The following MSRA variants were observed in gnomAD, a reference collection of about 807,000 sequenced individuals.
MSRA encodes methionine sulfoxide reductase A.
MSRA carries 54 observed loss-of-function variants against 31.3 expected under a neutral mutation model. The observed-to-expected ratio is 1.73, with a 90% CI of 1.39 to 2.17. MSRA has a LOEUF of 2.17. Among genes scored for constraint, MSRA ranks in the 30% most tolerant of loss-of-function variants. The probability of loss-of-function intolerance (pLI) is 0.00; values close to 1 mark genes in which losing one functional copy is unlikely to be tolerated. For synonymous variants in MSRA, 169 were observed against 116.5 expected, an observed-to-expected ratio of 1.45 and a Z score of -2.90; for missense variants, 507 against 300.9, an observed-to-expected ratio of 1.69 and a Z score of -5.07.
chr8:10,269,696 C>T (rs1279877322), intron 3 of MSRA, among the ~76,000 whole-genome samples: 3 of 152,078 alleles, frequency 2.0e-5, no homozygotes, highest in Non-Finnish European at 4.4e-5. Flanking sequence ...TCTCTCCCAG[C>T]CTGGAGTGCA....
At chr8:10,388,819 G>C (rs1162921664) in intron 5 of MSRA, among the ~76,000 whole-genome samples, 1 of 151,784 alleles carries the variant, frequency 6.6e-6, no homozygotes, top group Non-Finnish European at 1.5e-5. Flanking sequence ...GGCATCGCTG[G>C]TTTGACCTAC....
intron 1 of MSRA, among the ~76,000 whole-genome samples, chr8:10,098,062 G>A (rs1017431862): frequency 1.2e-4 from 18 of 151,954 alleles, no homozygotes; most frequent in Admixed American, 7.9e-4. Flanking sequence ...AAGAAGTTGC[G>A]TTGATTACAT....
chr8:10,063,397 C>G (rs1048302364), intron 1 of MSRA, among the ~76,000 whole-genome samples: 1 of 152,258 alleles, frequency 6.6e-6, no homozygotes. Context: ...TCCAATGACA[C>G]TCTTCAATGC....
chr8:10,190,421 C>T (rs1202548784), intron 1 of MSRA, among the ~76,000 whole-genome samples: 2 of 152,204 alleles, frequency 1.3e-5, no homozygotes, highest in African/African-American at 2.4e-5. Context: ...CCTGGACACC[C>T]CCAGCACGTC....
intron 3 of MSRA, among the ~76,000 whole-genome samples, chr8:10,274,928 G>T (rs966949998): frequency 6.6e-6 from 1 of 152,070 alleles, no homozygotes; most frequent in Non-Finnish European, 1.5e-5. Flanking sequence ...CTTTTGAGTT[G>T]CTTTAAAACT....
Position 10,388,587 on chromosome 8 carries a change from T to G in MSRA, c.544-39561T>G, listed in dbSNP as rs79837502. 9.1e-3 allele frequency among the ~76,000 whole-genome samples: 1,393 copies of G among 152,300 alleles called. 24 individuals carry two copies. Among genetic ancestry groups the G allele is most frequent in the African/African-American group, 0.029 (1,219 of 41,550 alleles). Reference sequence around the variant, plus strand: ...ATCCGATCTCTCACTTTTCTGATGCTAAACCTGAAGCTTCAGGAGGCCAAG... The same window carrying G: ...ATCCGATCTCTCACTTTTCTGATGCGAAACCTGAAGCTTCAGGAGGCCAAG... On this transcript the variant is annotated intron_variant, in intron 5 of 5. Transcript: ENST00000317173.
At chr8:10,412,588 A>G (rs1808222481) in intron 5 of MSRA, among the ~76,000 whole-genome samples, 1 of 152,234 alleles carries the variant, frequency 6.6e-6, no homozygotes, top group Admixed American at 6.5e-5. Flanking sequence ...AGAACCCTCA[A>G]AATTCAACAA....
chr8:10,404,038 G>C (rs1807636609), intron 5 of MSRA, among the ~76,000 whole-genome samples: 1 of 152,212 alleles, frequency 6.6e-6, no homozygotes, highest in Non-Finnish European at 1.5e-5. Context: ...CTCATTATAT[G>C]TCATTATATA....
chr8:10,412,952 T>G (rs1055686696), intron 5 of MSRA, among the ~76,000 whole-genome samples: 9 of 152,192 alleles, frequency 5.9e-5, no homozygotes, highest in African/African-American at 2.2e-4. Context: ...TTCCACCTAC[T>G]GTGAGCCAGC....
chr8:10,376,473 A>G (rs1805762328), intron 5 of MSRA, among the ~76,000 whole-genome samples: 1 of 152,210 alleles, frequency 6.6e-6, no homozygotes, highest in Admixed American at 6.5e-5. Flanking sequence ...TGGGCATGGC[A>G]CATTGCTGCT....
rs188139357 is a variant in MSRA, at chr8:10,343,355, C to T, written c.543+23366C>T. On this transcript the variant is annotated intron_variant, in intron 5 of 5. Transcript: ENST00000317173. ...CCAACAATCCATGCTGTACGTCATG[C>T]AGGAGTGATCAGTGTTTTCAGGGTG... Among the ~76,000 whole-genome samples, 288 of 152,294 alleles carry T rather than the reference C, an allele frequency of 1.9e-3. 1 individual carries two copies. The highest frequency in any genetic ancestry group is 2.9e-3 in the Non-Finnish European group (194 of 68,028).
At chr8:10,367,318 ATTC>A (rs1805223883) in intron 5 of MSRA, among the ~76,000 whole-genome samples, 1 of 152,212 alleles carries the variant, frequency 6.6e-6, no homozygotes, top group African/African-American at 2.4e-5. Context: ...TATTGTGATA[ATTC>A]TTCTGCTTTA....
chr8:10,280,368 A>AATTCT (rs1799556850), intron 3 of MSRA, among the ~76,000 whole-genome samples: 1 of 10,916 alleles, frequency 9.2e-5, no homozygotes, highest in Non-Finnish European at 2.2e-4. Context: ...TCTAATAATT[A>AATTCT]ATTCAAGTTA....
chr8:10,247,917 C>G (rs4295669), intron 3 of MSRA, among the ~76,000 whole-genome samples: 3 of 151,836 alleles, frequency 2.0e-5, no homozygotes, highest in African/African-American at 7.3e-5. Context: ...TAAGGTCCCT[C>G]GCTAGAGTAA....
chr8:10,238,269 T>C (rs1812121741), intron 2 of MSRA, among the ~76,000 whole-genome samples: 1 of 152,210 alleles, frequency 6.6e-6, no homozygotes, highest in East Asian at 1.9e-4. Context: ...TCACCTTCCC[T>C]TGGAGGCTCA....
At chr8:10,377,615 A>T (rs1343170606) in intron 5 of MSRA, among the ~76,000 whole-genome samples, 1 of 152,120 alleles carries the variant, frequency 6.6e-6, no homozygotes, top group Non-Finnish European at 1.5e-5. Context: ...GTGAGATGTA[A>T]TACCAAAATG....
At chr8:10,274,727 A>G (rs1225048162) in intron 3 of MSRA, among the ~76,000 whole-genome samples, 1 of 151,970 alleles carries the variant, frequency 6.6e-6, no homozygotes. Flanking sequence ...GTATCCACTC[A>G]TCCATCTGTA....
intron 3 of MSRA, among the ~76,000 whole-genome samples, chr8:10,298,393 C>T (rs568898141): frequency 8.9e-4 from 135 of 152,176 alleles, no homozygotes; most frequent in Middle Eastern, 3.4e-3. Context: ...TAGTGGATTC[C>T]ACTTATAGGA....
intron 1 of MSRA, among the ~76,000 whole-genome samples, chr8:10,088,092 C>T (rs989697326): frequency 3.3e-5 from 5 of 152,070 alleles, no homozygotes; most frequent in African/African-American, 1.2e-4. Flanking sequence ...TTTGAAAAAC[C>T]CCAGGTATAG....
Sources: allele counts gnomAD v4.1 joint callset (sites outside exome capture counted in the v4.1 genomes callset), GRCh38; gene constraint gnomAD v4.1.1; transcripts MANE v1.5; gene names NCBI Gene and HGNC (gene_info 2026-07-23, HGNC 2026-07-21).